Variants in TOP1MT observed in about 807,000 individuals in gnomAD.
TOP1MT encodes DNA topoisomerase I mitochondrial.
In TOP1MT, 80 loss-of-function variants were observed where a neutral mutation model predicts 73.9. The observed-to-expected ratio is 1.08, with a 90% CI of 0.90 to 1.30. The LOEUF (loss-of-function observed/expected upper bound fraction) is 1.30, where lower values mean the gene tolerates loss of function less well. Among genes scored for constraint, TOP1MT ranks in the 50% most tolerant of loss-of-function variants. The pLI is 0.00. For synonymous variants in TOP1MT, 338 were observed against 326.4 expected (o/e 1.04, Z -0.38); for missense variants, 815 against 808.0 (o/e 1.01, Z -0.10).
chr8:143,341,134 C>A lies in TOP1MT; in HGVS notation c.29+2086G>T, dbSNP rs981772422. ...CTCAGGCTTGCCCCTAGCGTCCCCG[C>A]CACCCTCTTCTCGTGCTGCCGCCCC... is the stretch of plus-strand genomic sequence containing the variant. On this transcript the variant is annotated intron_variant, in intron 2 of 5. Coordinates refer to the TOP1MT transcript ENST00000518007. The surrounding 1 kb of genome is among the most constrained non-coding windows in gnomAD (Gnocchi z 4.1). Among the ~76,000 whole-genome samples, 23 of 152,334 alleles carry A rather than the reference C, an allele frequency of 1.5e-4. No individual in the cohort carries two copies. The highest frequency in any genetic ancestry group is 5.3e-4 in the African/African-American group (22 of 41,590).
In TOP1MT at chr8:143,324,503, G is replaced by GTTCA. The variant is rs774358558; in HGVS notation, c.794_797dup (p.Pro267GlufsTer16). 6.2e-7 allele frequency: 1 copy of GTTCA among 1,613,964 alleles called. No individual in the cohort carries two copies. Among genetic ancestry groups the GTTCA allele is most frequent in the South Asian group, 1.1e-5 (1 of 91,084 alleles). ...CGCTCACCTTCAGCTTCGAGCAAGGGTTCAGCATGATGTACTTGATGGAGT... is the reference window on the plus strand; with the variant it reads ...CGCTCACCTTCAGCTTCGAGCAAGGGTTCATTCAGCATGATGTACTTGATGGAGT... On this transcript the variant is annotated frameshift_variant, in exon 6 of 14. Transcript: ENST00000329245. LOFTEE classifies it high-confidence loss of function.
At chr8:143,343,114 T>C (rs1337941074) in intron 2 of TOP1MT, 1 of 448,704 alleles carries the variant, frequency 2.2e-6, no homozygotes, top group South Asian at 1.6e-5. Flanking sequence ...CTAAGTTCAT[T>C]TGTGTTGTCA....
chr8:143,331,280 G>A lies in TOP1MT; in HGVS notation c.182C>T (p.Pro61Leu), dbSNP rs749449114. ...VKWRQLEHKG[P>L]YFAPPYEPLP... ...GGGCTCGTATGGGGGTGCGAAGTAC[G>A]GGCCCTTGTGCTCCAGCTGTCTCCA... is the stretch of plus-strand genomic sequence containing the variant. Residue 61 changes from proline to leucine, a missense_variant, in exon 2 of 14, where the codon CCG becomes CTG. Physicochemically the swap from Pro to Leu is moderately conservative, Grantham distance 98. Coordinates refer to ENST00000329245, the MANE Select transcript of TOP1MT (RefSeq NM_052963.3). 2.1e-5 allele frequency: 34 copies of A among 1,612,792 alleles called. No individual in the cohort carries two copies. Among genetic ancestry groups the A allele is most frequent in the Middle Eastern group, 3.3e-4 (2 of 6,074 alleles).
intron 2 of TOP1MT, among the ~76,000 whole-genome samples, chr8:143,342,555 TTA>T (rs1817128720): frequency 1.6e-5 from 2 of 125,316 alleles, no homozygotes; most frequent in Admixed American, 1.7e-4. Context: ...ATTATTATTA[TTA>T]GAGACAGAGT....
chr8:143,314,588 C>CAAAA (rs57418152), intron 12 of TOP1MT, among the ~76,000 whole-genome samples: 4 of 99,672 alleles, frequency 4.0e-5, no homozygotes, highest in African/African-American at 1.6e-4. Context: ...GACTCCATCT[C>CAAAA]AAAAAAAAAA....
At position 143,322,805 on chromosome 8, in the gene TOP1MT, T is replaced by C. The variant is rs1267308406; in HGVS notation, c.960+1194A>G. 2.0e-4 allele frequency among the ~76,000 whole-genome samples: 5 copies of C among 24,818 alleles called. 1 individual carries two copies. The highest frequency in any genetic ancestry group is 8.1e-4 in the African/African-American group (5 of 6,194). 16.3% of individuals were successfully genotyped at this position (24,818 alleles called of 152,430 possible). The stretch of plus-strand genomic sequence containing the variant: ...CACGCCACACACATGCACACACACA[T>C]GCATGCCACACACAGGCACGCCACA... On this transcript the variant is annotated intron_variant, in intron 7 of 13. Transcript: ENST00000329245.
At chr8:143,327,303 C>G (rs951916134) in intron 3 of TOP1MT, 1 of 152,520 alleles carries the variant, frequency 6.6e-6, no homozygotes, top group Admixed American at 6.5e-5. Flanking sequence ...AGACACTGAC[C>G]TGAGGGAGAG....
intron 3 of TOP1MT, among the ~76,000 whole-genome samples, chr8:143,328,795 T>C (rs1368315956): frequency 6.6e-6 from 1 of 152,026 alleles, no homozygotes; most frequent in Non-Finnish European, 1.5e-5. Context: ...GGACAAGCAG[T>C]CAGGGGCGAG....
At chr8:143,331,183 C>T in intron 2 of TOP1MT, 41 bp downstream of exon 2, 1 of 1,523,834 alleles carries the variant, frequency 6.6e-7, no homozygotes, top group Non-Finnish European at 9.0e-7. Flanking sequence ...GCCCAGGGAA[C>T]CAAGCGCAGG....
intron 10 of TOP1MT, among the ~76,000 whole-genome samples, chr8:143,316,755 C>T (rs1484879926): frequency 1.3e-5 from 2 of 152,364 alleles, no homozygotes; most frequent in African/African-American, 4.8e-5. Flanking sequence ...GGCCCCAAGG[C>T]ACCTACTGGA....
intron 3 of TOP1MT, among the ~76,000 whole-genome samples, chr8:143,328,915 G>A (rs1188007480): frequency 6.6e-6 from 1 of 152,136 alleles, no homozygotes; most frequent in Non-Finnish European, 1.5e-5. Context: ...AATGAGCAAG[G>A]AAAAAGCCTT....
chr8:143,309,988 TG>T (rs776269739), intron 13 of TOP1MT, 79 bp downstream of exon 13: 3 of 1,597,712 alleles, frequency 1.9e-6, no homozygotes, highest in East Asian at 2.2e-5. Context: ...AGGGCAATGC[TG>T]GGACTGAACA....
chr8:143,354,764 T>A (rs1055710461), intron 1 of TOP1MT, among the ~76,000 whole-genome samples: 2 of 151,466 alleles, frequency 1.3e-5, no homozygotes, highest in Admixed American at 1.3e-4. Flanking sequence ...AAAGTTTAAC[T>A]GAGCAAAGAG....
chr8:143,322,008 TGCAC>T (rs1816428974), intron 7 of TOP1MT, among the ~76,000 whole-genome samples: 4 of 24,890 alleles, frequency 1.6e-4, no homozygotes, highest in African/African-American at 5.0e-4. Context: ...GCCACACACA[TGCAC>T]GCCACACCCA....
At chr8:143,309,772 G>A (rs1185373278) in intron 13 of TOP1MT, 7 of 1,533,436 alleles carry the variant, frequency 4.6e-6, no homozygotes, top group Non-Finnish European at 6.1e-6. Context: ...CCACCGAGCA[G>A]GGCGCTCAGC....
intron 7 of TOP1MT, among the ~76,000 whole-genome samples, chr8:143,321,629 C>CG: frequency 6.7e-5 from 3 of 44,552 alleles, no homozygotes; most frequent in African/African-American, 1.6e-4. Context: ...ACGCACGCCA[C>CG]ACACAGGCAC....
upstream of TOP1MT, chr8:143,358,490 G>T (rs1460283841): frequency 1.3e-5 from 2 of 152,224 alleles, no homozygotes; most frequent in Non-Finnish European, 1.5e-5. Context: ...TGTTACAAGA[G>T]CTGGGCAAGC....
chr8:143,324,222 C>G, intron 6 of TOP1MT, 80 bp from the exon 7 acceptor site: 1 of 1,566,436 alleles, frequency 6.4e-7, no homozygotes, highest in Non-Finnish European at 8.7e-7. Context: ...CTCCCTCCCC[C>G]AAACCTCGTG....
intron 1 of TOP1MT, 49 bp from the exon 2 acceptor site, chr8:143,331,388 G>C (rs749151320): frequency 6.6e-7 from 1 of 1,514,406 alleles, no homozygotes; most frequent in Admixed American, 1.7e-5. Context: ...GGCCCTGCAT[G>C]AGCCTCTTCC....
Sources: allele counts gnomAD v4.1 joint callset (sites outside exome capture counted in the v4.1 genomes callset), GRCh38; gene constraint gnomAD v4.1.1; non-coding constraint Gnocchi (gnomAD v3.1); transcripts MANE v1.5; gene names NCBI Gene and HGNC (gene_info 2026-07-23, HGNC 2026-07-21).